The following PRTG variants were observed in gnomAD, a reference collection of about 807,000 sequenced individuals.
PRTG encodes the protein protogenin, also known as immunoglobulin superfamily, DCC subclass, member 5.
A neutral mutation model predicts 122.5 loss-of-function variants in PRTG; 67 were observed. The observed-to-expected ratio is 0.55, with a 90% CI of 0.45 to 0.67. The LOEUF is 0.67. PRTG is among the 30% of genes least tolerant of loss of function. The pLI, the probability that PRTG is intolerant of heterozygous loss-of-function variation, is 0.00. For missense variants in PRTG, 1,435 were observed against 1,415.4 expected (o/e 1.01, Z -0.22); for synonymous variants, 554 against 501.1 (o/e 1.11, Z -1.41).
At chr15:55,666,090 C>A (rs1220707935) in intron 11 of PRTG, among the ~76,000 whole-genome samples, 2 of 152,178 alleles carry the variant, frequency 1.3e-5, no homozygotes, top group Non-Finnish European at 2.9e-5. Context: ...AAATGCCAGA[C>A]TGAGTGGTTT....
intron 11 of PRTG, among the ~76,000 whole-genome samples, chr15:55,657,834 T>A (rs994178529): frequency 6.6e-6 from 1 of 152,190 alleles, no homozygotes; most frequent in African/African-American, 2.4e-5. Flanking sequence ...CTAGGTATAT[T>A]CAATTTAAAA....
chr15:55,622,764 G>A lies in PRTG; in HGVS notation c.3093+1578C>T, dbSNP rs564293762. 5.3e-5 allele frequency among the ~76,000 whole-genome samples: 8 copies of A among 151,368 alleles called. 1 individual carries two copies. Among genetic ancestry groups the A allele is most frequent in the South Asian group, 4.2e-4 (2 of 4,762 alleles). On this transcript the variant is annotated intron_variant, in intron 18 of 19. Coordinates refer to ENST00000389286, the MANE Select transcript of PRTG (RefSeq NM_173814.6). The stretch of plus-strand genomic sequence containing the variant: ...TTGGTCAGGCTGGTCTCGAACTCCC[G>A]ACCTCAGGTGATACACCCACCTTGG...
intron 2 of PRTG, among the ~76,000 whole-genome samples, chr15:55,713,913 T>C (rs1348161850): frequency 6.6e-6 from 1 of 152,176 alleles, no homozygotes; most frequent in Non-Finnish European, 1.5e-5. Flanking sequence ...TTGTTTTAAC[T>C]TAATAAAATT....
At chr15:55,637,038 A>T in intron 15 of PRTG, 132 bp downstream of exon 15, 1 of 781,836 alleles carries the variant, frequency 1.3e-6, no homozygotes, top group Non-Finnish European at 1.9e-6. Context: ...CCCTTTGAAC[A>T]AAGCCAAAAT....
chr15:55,627,572 C>G (rs1384767144), intron 16 of PRTG, among the ~76,000 whole-genome samples: 1 of 150,652 alleles, frequency 6.6e-6, no homozygotes, highest in African/African-American at 2.4e-5. Context: ...GATCTCCTGA[C>G]CTCGTGATCC....
At chr15:55,728,631 G>A (rs756531992) in intron 2 of PRTG, among the ~76,000 whole-genome samples, 2 of 152,122 alleles carry the variant, frequency 1.3e-5, no homozygotes, top group Non-Finnish European at 2.9e-5. Flanking sequence ...TATTTAAAAA[G>A]CCTCACAATA....
At chr15:55,666,806 T>C (rs1165358866) in intron 11 of PRTG, among the ~76,000 whole-genome samples, 1 of 152,202 alleles carries the variant, frequency 6.6e-6, no homozygotes, top group Non-Finnish European at 1.5e-5. Flanking sequence ...CCAGGCACTA[T>C]GCTAACTTTT....
At chr15:55,732,031 C>T (rs9919969) in intron 2 of PRTG, among the ~76,000 whole-genome samples, 135,462 of 152,240 alleles carry the variant, frequency 0.89, 61,736 homozygotes, top group Non-Finnish European at 0.98. Flanking sequence ...AGGGCAGCAA[C>T]TGTAACACAA....
chr15:55,656,952 G>A (rs1232941600), intron 11 of PRTG, among the ~76,000 whole-genome samples: 1 of 152,208 alleles, frequency 6.6e-6, no homozygotes, highest in Non-Finnish European at 1.5e-5. Context: ...CAGACTTCTA[G>A]TAAGATTTCT....
chr15:55,621,359 C>T (rs2059165189), intron 18 of PRTG, among the ~76,000 whole-genome samples: 1 of 148,342 alleles, frequency 6.7e-6, no homozygotes, highest in African/African-American at 2.5e-5. Context: ...TCAAAAAAAA[C>T]AAAACAAAAC....
intron 2 of PRTG, among the ~76,000 whole-genome samples, chr15:55,722,600 G>T (rs1320688750): frequency 6.6e-6 from 1 of 152,232 alleles, no homozygotes; most frequent in African/African-American, 2.4e-5. Flanking sequence ...AGGTGAAGTT[G>T]AGAACTCAGT....
At chr15:55,638,514 T>A (rs779131535) in intron 14 of PRTG, 35 bp downstream of exon 14, 20 of 1,524,916 alleles carry the variant, frequency 1.3e-5, no homozygotes, top group African/African-American at 2.8e-5. Context: ...TAATTTTTTT[T>A]AAAGATAAAA....
chr15:55,638,429 C>A, intron 14 of PRTG, 120 bp downstream of exon 14: 2 of 637,964 alleles, frequency 3.1e-6, no homozygotes, highest in South Asian at 3.3e-5. Context: ...AAAACAAATA[C>A]ATATATCAAG....
chr15:55,730,314 C>G (rs1284594174), intron 2 of PRTG, among the ~76,000 whole-genome samples: 1 of 152,036 alleles, frequency 6.6e-6, no homozygotes, highest in Non-Finnish European at 1.5e-5. Flanking sequence ...GTTTGCCAGG[C>G]TGGTCTTGAA....
intron 2 of PRTG, among the ~76,000 whole-genome samples, chr15:55,717,281 C>T (rs1018780224): frequency 6.6e-6 from 1 of 152,140 alleles, no homozygotes; most frequent in Admixed American, 6.5e-5. Flanking sequence ...CCATTTCCTA[C>T]TAAAATATTT....
At chr15:55,730,237 C>G in intron 2 of PRTG, among the ~76,000 whole-genome samples, 1 of 151,804 alleles carries the variant, frequency 6.6e-6, no homozygotes, top group Non-Finnish European at 1.5e-5. Context: ...GAGTAGCTGG[C>G]ATTACAGGTA....
intron 2 of PRTG, among the ~76,000 whole-genome samples, chr15:55,690,302 G>A (rs1179958790): frequency 3.3e-5 from 5 of 152,176 alleles, no homozygotes; most frequent in Non-Finnish European, 7.4e-5. Context: ...CAATGAATAT[G>A]CATTCAGTGT....
intron 15 of PRTG, among the ~76,000 whole-genome samples, chr15:55,629,459 T>TA (rs2059215569): frequency 6.6e-6 from 1 of 150,706 alleles, no homozygotes; most frequent in Non-Finnish European, 1.5e-5. Flanking sequence ...TTTACATAGA[T>TA]ATGAATACAA....
In PRTG at chr15:55,637,170, C is replaced by A; in HGVS notation, c.2623G>T (p.Gly875Trp). The change falls in exon 15 of 20, where the codon GGG (glycine) becomes TGG (tryptophan). Residue 875 changes from glycine (G) to tryptophan (W), a missense_variant and splice_region_variant. By Grantham distance (184) the Gly-to-Trp change is radical (BLOSUM62 -2). Transcript: ENST00000389286. ...CTTCATGGCAATTTATGATATTTAC[C>A]TTCACGGTGTAAGACCTGCCACTCT... ...AGEWQVLHRE[G>W]AITMALLENL... 1.9e-6 allele frequency: 3 copies of A among 1,540,118 alleles called. No individual in the cohort carries two copies. The highest frequency in any genetic ancestry group is 2.6e-6 in the Non-Finnish European group (3 of 1,141,688).
Sources: allele counts gnomAD v4.1 joint callset (sites outside exome capture counted in the v4.1 genomes callset), GRCh38; gene constraint gnomAD v4.1.1; transcripts MANE v1.5; gene names NCBI Gene and HGNC (gene_info 2026-07-23, HGNC 2026-07-21).